HS6ST2: variants seen among roughly 807,000 people sequenced by gnomAD.
HS6ST2 encodes heparan-sulfate 6-O-sulfotransferase 2.
Under a neutral mutation model 33.0 loss-of-function variants are expected in HS6ST2, and 17 were observed. The observed-to-expected ratio is 0.52, with a 90% CI of 0.35 to 0.77. HS6ST2 has a LOEUF of 0.77. Among genes scored for constraint, HS6ST2 ranks in the 30% least tolerant of loss-of-function variants. HS6ST2 has a pLI of 0.01. For missense variants in HS6ST2, 519 were observed against 551.7 expected (o/e 0.94, Z 0.59); for synonymous variants, 248 against 237.1 (o/e 1.05, Z -0.42).
At chrX:132,942,662 G>A (rs1477054039) in intron 2 of HS6ST2, among the ~76,000 whole-genome samples, 1 of 111,809 alleles carries the variant, frequency 8.9e-6, no homozygotes, top group Non-Finnish European at 1.9e-5. Context: ...TTATTTCACT[G>A]GCTCCTCTGT....
At chrX:132,699,796 C>A (rs765894460) in intron 3 of HS6ST2, among the ~76,000 whole-genome samples, 1 of 111,850 alleles carries the variant, frequency 8.9e-6, no homozygotes, top group Non-Finnish European at 1.9e-5. Flanking sequence ...AGCTTTTATT[C>A]CTTTTCATGC....
At chrX:132,956,343 G>A (rs370412608) in intron 2 of HS6ST2, among the ~76,000 whole-genome samples, 5 of 108,580 alleles carry the variant, frequency 4.6e-5, no homozygotes, top group East Asian at 6.0e-4. Context: ...AGACGAAATA[G>A]GGGGGAAAGC....
intron 2 of HS6ST2, among the ~76,000 whole-genome samples, chrX:132,926,747 A>C (rs890482648): frequency 1.8e-5 from 2 of 110,935 alleles, no homozygotes; most frequent in African/African-American, 6.6e-5. Flanking sequence ...ACATGGAGAA[A>C]ACCTATGTCT....
intron 2 of HS6ST2, among the ~76,000 whole-genome samples, chrX:132,772,853 A>T (rs1317602441): frequency 5.6e-5 from 5 of 88,754 alleles, no homozygotes; most frequent in Non-Finnish European, 1.0e-4. Context: ...ATAACATATA[A>T]TATAGTCTAT....
At chrX:132,804,688 A>G (rs1182179621) in intron 2 of HS6ST2, among the ~76,000 whole-genome samples, 1 of 111,432 alleles carries the variant, frequency 9.0e-6, no homozygotes, top group African/African-American at 3.3e-5. Flanking sequence ...AGTCCCAGCT[A>G]CTTGGGAGGC....
intron 2 of HS6ST2, among the ~76,000 whole-genome samples, chrX:132,876,388 A>G (rs1335148407): frequency 8.9e-6 from 1 of 112,069 alleles, no homozygotes; most frequent in Non-Finnish European, 1.9e-5. Context: ...TAGTTCTTTC[A>G]GGGGTAGAGC....
chrX:132,849,252 T>A (rs774289023), intron 2 of HS6ST2, among the ~76,000 whole-genome samples: 1 of 111,176 alleles, frequency 9.0e-6, no homozygotes, highest in South Asian at 3.8e-4. Flanking sequence ...CCAATGGCAA[T>A]GCAAAGACAC....
chrX:132,793,594 A>G (rs1208194329), intron 2 of HS6ST2, among the ~76,000 whole-genome samples: 1 of 112,136 alleles, frequency 8.9e-6, no homozygotes, highest in Non-Finnish European at 1.9e-5. Context: ...TTACGTAGGA[A>G]CATTTGGCTT....
rs868498641 is a variant in HS6ST2, at chrX:132,701,030, G to A, written c.980+7432C>T. On this transcript the variant is annotated intron_variant, in intron 3 of 4. Coordinates refer to ENST00000370833, the MANE Select transcript of HS6ST2 (RefSeq NM_001394073.1). ...TGAATTAAAAGTGCTGGCAACAAAC[G>A]TAGCGCTAAGAATTAAACGGCAAAA... Among the ~76,000 whole-genome samples the A allele has an allele frequency of 5.4e-5, 6 of 111,626 alleles. No individual in the cohort carries two copies. In the Admixed American group the frequency reaches 5.7e-4, roughly 11 times the overall value.
At chrX:132,909,865 T>C (rs2066515017) in intron 2 of HS6ST2, among the ~76,000 whole-genome samples, 1 of 111,475 alleles carries the variant, frequency 9.0e-6, no homozygotes, top group African/African-American at 3.3e-5. Context: ...CAACAATTTC[T>C]TGTAATCACC....
At chrX:132,650,454 T>C (rs2063681239) in intron 4 of HS6ST2, among the ~76,000 whole-genome samples, 1 of 111,542 alleles carries the variant, frequency 9.0e-6, no homozygotes, top group Non-Finnish European at 1.9e-5. Context: ...TGTGGACATC[T>C]TTCAACTAAA....
At chrX:132,816,371 G>C (rs1167496995) in intron 2 of HS6ST2, among the ~76,000 whole-genome samples, 1 of 112,093 alleles carries the variant, frequency 8.9e-6, no homozygotes, top group African/African-American at 3.2e-5. Flanking sequence ...CCCACGAACA[G>C]ATTAAACTAG....
intron 3 of HS6ST2, among the ~76,000 whole-genome samples, chrX:132,693,298 CT>C (rs757696420): frequency 1.8e-5 from 2 of 112,114 alleles, no homozygotes; most frequent in African/African-American, 3.2e-5. Context: ...GATCAGAGTC[CT>C]GCCACGGCTT....
chrX:132,870,152 G>C (rs1443168491), intron 2 of HS6ST2, among the ~76,000 whole-genome samples: 1 of 110,961 alleles, frequency 9.0e-6, no homozygotes, highest in East Asian at 2.8e-4. Context: ...AATCATGAGT[G>C]AACTCCCATT....
chrX:132,933,221 G>A (rs142164203), intron 2 of HS6ST2, among the ~76,000 whole-genome samples: 1,294 of 109,744 alleles, frequency 0.012, 8 homozygotes, highest in South Asian at 0.068. Flanking sequence ...CCAGCTATTC[G>A]GGAGGCTGAG....
At chrX:132,953,988 T>C (rs981171835) in intron 2 of HS6ST2, among the ~76,000 whole-genome samples, 29 of 112,278 alleles carry the variant, frequency 2.6e-4, no homozygotes, top group African/African-American at 9.4e-4. Flanking sequence ...TGCAGTCAGA[T>C]TCCTGCTGTG....
rs1182548641 is a variant in HS6ST2 at position 132,681,274 on chromosome X, AG to A, written c.981-12076del. 5.3e-5 allele frequency among the ~76,000 whole-genome samples: 6 copies of A among 112,380 alleles called. No individual in the cohort carries two copies. In the East Asian group the frequency reaches 1.7e-3, roughly 31 times the overall value. On this transcript the variant is annotated intron_variant, in intron 3 of 4. Coordinates refer to ENST00000370833, the MANE Select transcript of HS6ST2 (RefSeq NM_001394073.1). ...GTCTGGCCTTATTTATTGCAACAAA[AG>A]TTAATTAAAAAAAGAAACTGTTTTA...
intron 4 of HS6ST2, among the ~76,000 whole-genome samples, chrX:132,637,900 A>ATATTATATATAATATTTTATATAT (rs1320085879): frequency 4.4e-5 from 2 of 45,662 alleles, no homozygotes; most frequent in South Asian, 9.3e-4. Flanking sequence ...TTTTATATAT[A>ATATTATATATAATATTTTATATAT]ATATTATATA....
At chrX:132,714,514 A>G (rs2064257751) in intron 2 of HS6ST2, among the ~76,000 whole-genome samples, 1 of 110,730 alleles carries the variant, frequency 9.0e-6, no homozygotes, top group South Asian at 3.9e-4. Flanking sequence ...AGGTTTTGCC[A>G]TATTGGCCAG....
Sources: gnomAD v4.1 joint callset for allele counts (sites outside exome capture counted in the v4.1 genomes callset) on GRCh38, gnomAD v4.1.1 for gene constraint, MANE v1.5 for transcripts, NCBI Gene and HGNC (gene_info 2026-07-23, HGNC 2026-07-21) for gene names.